The following RAD51C variants were observed in gnomAD, a reference collection of about 807,000 sequenced individuals.
RAD51C encodes the protein DNA repair protein RAD51 homolog 3.
Under a neutral mutation model 45.0 loss-of-function variants are expected in RAD51C, and 42 were observed. The ratio of observed to expected loss-of-function variants is 0.93; its 90% CI spans 0.73 to 1.21. The LOEUF is 1.21. Among genes scored for constraint, RAD51C ranks in the 50% most tolerant of loss-of-function variants. RAD51C has a pLI of 0.00. For missense variants in RAD51C, 474 were observed against 452.2 expected (o/e 1.05, Z -0.44); for synonymous variants, 172 against 159.8 (o/e 1.08, Z -0.58).
At chr17:58,717,403 C>G (rs1339297701) in intron 5 of RAD51C, among the ~76,000 whole-genome samples, 1 of 152,048 alleles carries the variant, frequency 6.6e-6, no homozygotes, top group African/African-American at 2.4e-5. Context: ...GCCCCCCAGC[C>G]TGGGTGACAG....
intron 7 of RAD51C, among the ~76,000 whole-genome samples, chr17:58,725,310 C>T (rs1050507796): frequency 2.6e-4 from 40 of 152,072 alleles, no homozygotes; most frequent in Admixed American, 2.4e-3. Flanking sequence ...GTTATTTTCT[C>T]GGCACCAAAC....
chr17:58,733,254 G>C (rs942027377), intron 8 of RAD51C, among the ~76,000 whole-genome samples: 1 of 152,130 alleles, frequency 6.6e-6, no homozygotes, highest in African/African-American at 2.4e-5. Flanking sequence ...GACCTCAAGT[G>C]ATCCGCCCTT....
chr17:58,696,802 C>T lies in RAD51C; in HGVS notation c.514C>T (p.Leu172Phe), dbSNP rs876660732. The change falls in exon 3 of 9, where the codon CTT (leucine) becomes TTT (phenylalanine). Residue 172 changes from leucine (L) to phenylalanine (F), a missense_variant. Transcript: ENST00000337432. ...GSFMVDRVVD[L>F]ATACIQHLQL... ...TTTTATGGTTGATAGAGTGGTAGACCTTGCTACTGCCTGCATTCAGCACCT... is the reference window on the plus strand; with the variant it reads ...TTTTATGGTTGATAGAGTGGTAGACTTTGCTACTGCCTGCATTCAGCACCT... 2 of 1,614,132 alleles carry T rather than the reference C, an allele frequency of 1.2e-6. No individual in the cohort carries two copies. The highest frequency in any genetic ancestry group is 1.6e-4 in the Middle Eastern group (1 of 6,062).
chr17:58,721,156 C>T (rs2048905300), intron 6 of RAD51C, among the ~76,000 whole-genome samples: 1 of 152,144 alleles, frequency 6.6e-6, no homozygotes, highest in Non-Finnish European at 1.5e-5. Flanking sequence ...GTGGCACACA[C>T]TTGTAATCCC....
In RAD51C at chr17:58,692,779, C is replaced by T. The variant is rs1423724305; in HGVS notation, c.136C>T (p.Leu46Phe). 2 of 1,614,114 alleles carry T rather than the reference C, an allele frequency of 1.2e-6. No homozygotes were observed. Among genetic ancestry groups the T allele is most frequent in the Non-Finnish European group, 8.5e-7 (1 of 1,180,048 alleles). The change falls in exon 1 of 9, where the codon CTT (leucine) becomes TTT (phenylalanine). Residue 46 changes from leucine to phenylalanine, a missense_variant. Coordinates refer to ENST00000337432, the MANE Select transcript of RAD51C (RefSeq NM_058216.3). ...EELLEVKPSE[L>F]SKEVGISKAE... ...ACTCCTAGAGGTGAAACCCTCCGAG[C>T]TTAGCAAAGGTAACGACTCCTGATG...
At chr17:58,710,338 A>AC (rs2048516036) in intron 5 of RAD51C, among the ~76,000 whole-genome samples, 1 of 150,588 alleles carries the variant, frequency 6.6e-6, no homozygotes, top group Non-Finnish European at 1.5e-5. Context: ...AAAAAAAAAA[A>AC]AAACCAAAAA....
rs1333679774 is a variant in RAD51C, at chr17:58,695,033, A to C, written c.248A>C (p.Lys83Thr). The change falls in exon 2 of 9, where the codon AAG becomes ACG. Residue 83 changes from lysine to threonine, a missense_variant. By Grantham distance (78) the Lys-to-Thr change is moderately conservative. Coordinates refer to ENST00000337432, the MANE Select transcript of RAD51C (RefSeq NM_058216.3). ...TATGCTGGTACATCTGAGTCACACAAGAAGTGTACAGCACTGGAACTTCTT... is the reference window on the plus strand; with the variant it reads ...TATGCTGGTACATCTGAGTCACACACGAAGTGTACAGCACTGGAACTTCTT... ...PRYAGTSESHKKCTALELLEQ... is the reference protein window; with the variant it reads ...PRYAGTSESHTKCTALELLEQ... 6.2e-7 allele frequency: 1 copy of C among 1,614,136 alleles called. No homozygotes were observed. Among genetic ancestry groups the C allele is most frequent in the Admixed American group, 1.7e-5 (1 of 60,022 alleles).
chr17:58,722,257 A>C (rs560253670), intron 6 of RAD51C, among the ~76,000 whole-genome samples: 3 of 152,278 alleles, frequency 2.0e-5, no homozygotes, highest in East Asian at 1.9e-4. Context: ...TATTATGCTT[A>C]AGTTGTGATA....
At position 58,694,636 on chromosome 17, in the gene RAD51C, G is replaced by A. The variant is rs1014692771; in HGVS notation, c.146-295G>A. On this transcript the variant is annotated intron_variant, in intron 1 of 8. Transcript: ENST00000337432. ...AATTATAACGCGTGCCACCATGCCCGGCTAATTTTTGTATTTTTAGTAGAG... is the reference window on the plus strand; with the variant it reads ...AATTATAACGCGTGCCACCATGCCCAGCTAATTTTTGTATTTTTAGTAGAG... The A allele has an allele frequency of 1.4e-4, 54 of 374,456 alleles. No homozygotes were observed. The East Asian group carries it at 3.0e-3, about 21-fold the overall frequency. 23.2% of individuals were successfully genotyped at this position (374,456 alleles called of 1,614,324 possible). A position where few individuals can be genotyped will look rare whatever the true frequency, so the allele number is the denominator to read the frequency against.
chr17:58,730,330 A>G (rs1008996193), intron 7 of RAD51C, among the ~76,000 whole-genome samples: 3 of 147,616 alleles, frequency 2.0e-5, no homozygotes, highest in African/African-American at 7.6e-5. Context: ...ACGCCCAGCT[A>G]ATTTTTTTTT....
chr17:58,734,330 A>C lies in RAD51C; in HGVS notation c.*108A>C, dbSNP rs2049572400. ...AAATAAACACACTATGGCATGAATG[A>C]ATCCAGATCATATGAAGTGAATGGG... On this transcript the variant is annotated 3_prime_UTR_variant, in exon 9 of 9. Coordinates refer to ENST00000337432, the MANE Select transcript of RAD51C (RefSeq NM_058216.3). 6.6e-7 allele frequency: 1 copy of C among 1,522,672 alleles called. No homozygotes were observed. The highest frequency in any genetic ancestry group is 1.2e-5 in the South Asian group (1 of 80,592). The allele number at this position is 1,522,672 out of a possible 1,614,324, so 94.3% of individuals were successfully genotyped here. A position where few individuals can be genotyped will look rare whatever the true frequency, so the allele number is the denominator to read the frequency against.
intron 4 of RAD51C, among the ~76,000 whole-genome samples, chr17:58,708,772 G>C (rs796398043): frequency 6.6e-6 from 1 of 151,636 alleles, no homozygotes; most frequent in African/African-American, 2.4e-5. Flanking sequence ...GTTTCACCAC[G>C]TTGGCCAGGC....
At chr17:58,713,685 G>A (rs561127353) in intron 5 of RAD51C, among the ~76,000 whole-genome samples, 2 of 152,212 alleles carry the variant, frequency 1.3e-5, no homozygotes, top group Admixed American at 1.3e-4. Flanking sequence ...GTGCTCACCT[G>A]TAGTCCTAGC....
chr17:58,732,916 C>G (rs532757875), intron 8 of RAD51C: 33 of 209,702 alleles, frequency 1.6e-4, no homozygotes, highest in Middle Eastern at 3.8e-3. Flanking sequence ...CAAATATAGC[C>G]CACTTTAAGA....
In RAD51C at chr17:58,722,938, C is replaced by G. The variant is rs28363321; in HGVS notation, c.905-1102C>G. ...TCATCAGAATGCAACAGGCAGAAGACTTAGAATTGCAAATCAGTAGGGTAA... is the reference window on the plus strand; with the variant it reads ...TCATCAGAATGCAACAGGCAGAAGAGTTAGAATTGCAAATCAGTAGGGTAA... On this transcript the variant is annotated intron_variant, in intron 6 of 8. Coordinates refer to ENST00000337432, the MANE Select transcript of RAD51C (RefSeq NM_058216.3). Among the ~76,000 whole-genome samples the G allele has an allele frequency of 5.6e-4, 85 of 152,256 alleles. 1 individual carries two copies. The highest frequency in any genetic ancestry group is 2.9e-3 in the East Asian group (15 of 5,190).
intron 2 of RAD51C, among the ~76,000 whole-genome samples, chr17:58,695,614 C>T (rs1025076579): frequency 8.6e-5 from 13 of 151,798 alleles, no homozygotes; most frequent in Non-Finnish European, 1.3e-4. Flanking sequence ...AGTGAGACCT[C>T]GTCTCTACTA....
chr17:58,718,796 C>T (rs1282477148), intron 5 of RAD51C, among the ~76,000 whole-genome samples: 1 of 151,942 alleles, frequency 6.6e-6, no homozygotes, highest in East Asian at 1.9e-4. Context: ...GCCTCAGTTT[C>T]TTTTTTTCCT....
At position 58,717,034 on chromosome 17, in the gene RAD51C, C is replaced by T. The variant is rs1033996321; in HGVS notation, c.838-3712C>T. On this transcript the variant is annotated intron_variant, in intron 5 of 8. Coordinates refer to ENST00000337432, the MANE Select transcript of RAD51C (RefSeq NM_058216.3). ...ACCCAGGATGGTCTCGCTCTGACCT[C>T]GTGATCCGCCCGCCTCGGCCTCCCA... Among the ~76,000 whole-genome samples the T allele has an allele frequency of 2.3e-3, 343 of 151,956 alleles. 4 individuals are homozygous for T. Among genetic ancestry groups the T allele is most frequent in the Non-Finnish European group, 5.6e-4 (38 of 67,926 alleles).
intron 3 of RAD51C, among the ~76,000 whole-genome samples, chr17:58,699,552 A>G (rs770176078): frequency 6.6e-5 from 10 of 152,002 alleles, no homozygotes; most frequent in Admixed American, 1.3e-4. Flanking sequence ...GAAATATGCC[A>G]CTTTGGCATA....
Sources: allele counts gnomAD v4.1 joint callset (sites outside exome capture counted in the v4.1 genomes callset), GRCh38; gene constraint gnomAD v4.1.1; transcripts MANE v1.5; gene names NCBI Gene and HGNC (gene_info 2026-07-23, HGNC 2026-07-21).